Variants in EIF5A2 observed in about 807,000 individuals in gnomAD.
EIF5A2 encodes the protein eukaryotic translation initiation factor 5A-2.
A neutral mutation model predicts 16.4 loss-of-function variants in EIF5A2; 15 were observed. The ratio of observed to expected loss-of-function variants is 0.92; its 90% CI spans 0.61 to 1.41. The LOEUF is 1.41. Ranked by LOEUF, EIF5A2 falls within the 40% of genes most tolerant of loss-of-function variation. The pLI, the probability that EIF5A2 is intolerant of heterozygous loss-of-function variation, is 0.00. For synonymous variants in EIF5A2, 48 were observed against 61.1 expected, an observed-to-expected ratio of 0.79 and a Z score of 1.00; for missense variants, 144 against 189.5, an observed-to-expected ratio of 0.76 and a Z score of 1.41.
Position 170,889,291 on chromosome 3 carries a change from A to G in EIF5A2, c.*4069T>C, listed in dbSNP as rs964975248. 1.3e-5 allele frequency: 2 copies of G among 152,584 alleles called. No individual in the cohort carries two copies. The highest frequency in any genetic ancestry group is 1.9e-4 in the East Asian group (1 of 5,184). The allele number at this position is 152,584 out of a possible 1,614,324, so 9.5% of individuals were successfully genotyped here. A position where few individuals can be genotyped will look rare whatever the true frequency, so the allele number is the denominator to read the frequency against. On this transcript the variant is annotated 3_prime_UTR_variant, in exon 5 of 5. Coordinates refer to ENST00000295822, the MANE Select transcript of EIF5A2 (RefSeq NM_020390.6). ...TCAGATGTTTGTTTAATGGAAAAAC[A>G]TTAAATTACATATTGGCTTCAAGCC...
chr3:170,908,076 C>T (rs1712987701), intron 1 of EIF5A2, among the ~76,000 whole-genome samples: 1 of 152,200 alleles, frequency 6.6e-6, no homozygotes, highest in African/African-American at 2.4e-5. Context: ...GGGACACCCG[C>T]CCTGGGCGCT....
At chr3:170,908,268 T>C (rs2108297667) in intron 1 of EIF5A2, among the ~76,000 whole-genome samples, 1 of 152,282 alleles carries the variant, frequency 6.6e-6, no homozygotes, top group South Asian at 2.1e-4. Flanking sequence ...CCCGGCCCTC[T>C]GCTAGCTGGC....
intron 3 of EIF5A2, among the ~76,000 whole-genome samples, chr3:170,900,507 A>C (rs1409537264): frequency 6.6e-6 from 1 of 152,052 alleles, no homozygotes; most frequent in Non-Finnish European, 1.5e-5. Context: ...AAAAGCAAGG[A>C]GCTATCAAGG....
At position 170,893,011 on chromosome 3, in the gene EIF5A2, T is replaced by C; in HGVS notation, c.*349A>G. ...ATGGTACTTCAATACCACTTTATGC[T>C]ACATTGTTTGATTTAAAACCCTGGT... On this transcript the variant is annotated 3_prime_UTR_variant, in exon 5 of 5. Transcript: ENST00000295822. The C allele has an allele frequency of 2.4e-6, 1 of 418,558 alleles. No individual in the cohort carries two copies. The highest frequency in any genetic ancestry group is 3.5e-5 in the East Asian group (1 of 28,716). 25.9% of individuals were successfully genotyped at this position (418,558 alleles called of 1,614,324 possible).
Position 170,889,415 on chromosome 3 carries a change from A to C in EIF5A2, c.*3945T>G, listed in dbSNP as rs916508842. 1 of 152,356 alleles carries C rather than the reference A, an allele frequency of 6.6e-6. No homozygotes were observed. The highest frequency in any genetic ancestry group is 1.5e-5 in the Non-Finnish European group (1 of 67,964). 9.4% of individuals were successfully genotyped at this position (152,356 alleles called of 1,614,324 possible). A position where few individuals can be genotyped will look rare whatever the true frequency, so the allele number is the denominator to read the frequency against. ...TATACCCAATTCAGAGAAAAAATTT[A>C]ATAGATTAAATAGATTGAATTGTCT... On this transcript the variant is annotated 3_prime_UTR_variant, in exon 5 of 5. Transcript: ENST00000295822.
chr3:170,895,429 A>G (rs943268972), intron 3 of EIF5A2, among the ~76,000 whole-genome samples: 1 of 152,164 alleles, frequency 6.6e-6, no homozygotes, highest in Non-Finnish European at 1.5e-5. Flanking sequence ...GTAAACAACC[A>G]ACCTCCACTC....
In EIF5A2 at chr3:170,907,053, T is replaced by C. The variant is rs1712953841; in HGVS notation, c.206A>G (p.Tyr69Cys). The C allele has an allele frequency of 1.2e-6, 2 of 1,613,002 alleles. No homozygotes were observed. Among genetic ancestry groups the C allele is most frequent in the South Asian group, 2.2e-5 (2 of 90,890 alleles). ...GTGAGTAGAAGGACAAATATCTTCA[T>C]ATTTTTTGCCCGTGAAAATATCAAT... ...VGIDIFTGKK[Y>C]EDICPSTHNM... Residue 69 changes from tyrosine to cysteine, a missense_variant, in exon 3 of 5, where the codon TAT (tyrosine) becomes TGT (cysteine). Physicochemically the swap from Tyr to Cys is radical, Grantham distance 194. Transcript: ENST00000295822.
Position 170,892,792 on chromosome 3 carries a change from T to C in EIF5A2, c.*568A>G. The C allele has an allele frequency of 2.5e-6, 1 of 398,858 alleles. No individual in the cohort carries two copies. Among genetic ancestry groups the C allele is most frequent in the Non-Finnish European group, 4.4e-6 (1 of 226,098 alleles). The allele number at this position is 398,858 out of a possible 1,614,324, so 24.7% of individuals were successfully genotyped here. On this transcript the variant is annotated 3_prime_UTR_variant, in exon 5 of 5. Transcript: ENST00000295822. Reference sequence around the variant, plus strand: ...AAGGTTACATCAAGTTTGCCAACAATTTGGTAAATAGTATGACCAAAGTAA... The same window carrying C: ...AAGGTTACATCAAGTTTGCCAACAACTTGGTAAATAGTATGACCAAAGTAA...
intron 3 of EIF5A2, among the ~76,000 whole-genome samples, chr3:170,904,494 C>T (rs1712885036): frequency 6.6e-6 from 1 of 151,958 alleles, no homozygotes; most frequent in African/African-American, 2.4e-5. Context: ...TAGAAAGGCC[C>T]ACAGAACTTT....
At chr3:170,901,553 A>G (rs1340118147) in intron 3 of EIF5A2, among the ~76,000 whole-genome samples, 4 of 149,190 alleles carry the variant, frequency 2.7e-5, no homozygotes, top group Non-Finnish European at 5.9e-5. Flanking sequence ...TTATCCCTAC[A>G]GGTGCCTTCT....
Position 170,900,842 on chromosome 3 carries a change from A to G in EIF5A2, c.270+6147T>C, listed in dbSNP as rs561076256. Among the ~76,000 whole-genome samples the G allele has an allele frequency of 5.2e-5, 8 of 152,382 alleles. No individual in the cohort carries two copies. In the South Asian group the frequency reaches 1.2e-3, roughly 24 times the overall value. ...TTGATGAAGGGAAGTTTCTTTTTAT[A>G]GAAGTATTCTGGCTAAGAGAAACAA... On this transcript the variant is annotated intron_variant, in intron 3 of 4. Transcript: ENST00000295822.
At chr3:170,906,085 G>T (rs1206419878) in intron 3 of EIF5A2, among the ~76,000 whole-genome samples, 2 of 152,150 alleles carry the variant, frequency 1.3e-5, no homozygotes, top group African/African-American at 4.8e-5. Flanking sequence ...AACATTAAAA[G>T]AAATTTATAC....
At chr3:170,901,930 T>A (rs771461886) in intron 3 of EIF5A2, among the ~76,000 whole-genome samples, 15 of 152,196 alleles carry the variant, frequency 9.9e-5, no homozygotes, top group Admixed American at 3.3e-4. Flanking sequence ...TATACAGTGA[T>A]CTGAGAGACT....
chr3:170,900,318 G>A (rs1038110413), intron 3 of EIF5A2, among the ~76,000 whole-genome samples: 3 of 138,446 alleles, frequency 2.2e-5, no homozygotes, highest in South Asian at 2.3e-4. Context: ...AGTGAGCTGA[G>A]ATCACGCCGC....
chr3:170,903,487 G>A (rs950644220), intron 3 of EIF5A2, among the ~76,000 whole-genome samples: 2 of 152,124 alleles, frequency 1.3e-5, no homozygotes, highest in African/African-American at 4.8e-5. Context: ...CCTATAGGTA[G>A]AATACACAGG....
chr3:170,901,720 G>A lies in EIF5A2; in HGVS notation c.270+5269C>T, dbSNP rs181468140. Among the ~76,000 whole-genome samples the A allele has an allele frequency of 3.2e-3, 493 of 152,166 alleles. 4 individuals carry two copies. The highest frequency in any genetic ancestry group is 0.011 in the African/African-American group (472 of 41,516). ...CTCCCAAAGTGCTGGGATTACCGGC[G>A]TGAGCCACAGTGCCTGGACAGGTGC... is the stretch of plus-strand genomic sequence containing the variant. On this transcript the variant is annotated intron_variant, in intron 3 of 4. Transcript: ENST00000295822.
Position 170,892,428 on chromosome 3 carries a change from C to CAA in EIF5A2, c.*930_*931dup, listed in dbSNP as rs34403814. On this transcript the variant is annotated 3_prime_UTR_variant, in exon 5 of 5. Transcript: ENST00000295822. The stretch of plus-strand genomic sequence containing the variant: ...TGGCTGATGGAGTGAGACTCAGTCT[C>CAA]AAAAAAAAAAAAAAAAAAAAGGAAG... 0.16 allele frequency: 12,847 copies of CAA among 81,592 alleles called. 1,354 individuals are homozygous for CAA. The highest frequency in any genetic ancestry group is 0.31 in the African/African-American group (6,967 of 22,634). The allele number at this position is 81,592 out of a possible 1,614,324, so 5.1% of individuals were successfully genotyped here.
chr3:170,902,115 A>C (rs567612138), intron 3 of EIF5A2, among the ~76,000 whole-genome samples: 1 of 152,356 alleles, frequency 6.6e-6, no homozygotes, highest in South Asian at 2.1e-4. Flanking sequence ...AACAAGTTGT[A>C]TAAGAAGTGG....
In EIF5A2 at chr3:170,906,969, T is replaced by C. The variant is rs899194925; in HGVS notation, c.270+20A>G. 1.3e-6 allele frequency: 2 copies of C among 1,512,984 alleles called. No homozygotes were observed. Among genetic ancestry groups the C allele is most frequent in the African/African-American group, 2.8e-5 (2 of 72,682 alleles). 93.7% of individuals were successfully genotyped at this position (1,512,984 alleles called of 1,614,324 possible). On this transcript the variant is annotated intron_variant, in intron 3 of 4. Coordinates refer to ENST00000295822, the MANE Select transcript of EIF5A2 (RefSeq NM_020390.6). ...CACCTTGAAGAAACAAGCAACATTC[T>C]AAAGAAAATCAGTGCTTACTTGATA...
Sources: allele counts gnomAD v4.1 joint callset (sites outside exome capture counted in the v4.1 genomes callset), GRCh38; gene constraint gnomAD v4.1.1; transcripts MANE v1.5; gene names NCBI Gene and HGNC (gene_info 2026-07-23, HGNC 2026-07-21).